The following ARHGEF28 variants were observed in gnomAD, a reference collection of about 807,000 sequenced individuals.
The protein encoded by ARHGEF28 is 190 kDa guanine nucleotide exchange factor.
A neutral mutation model predicts 206.6 loss-of-function variants in ARHGEF28; 152 were observed. The observed-to-expected ratio is 0.74, with a 90% CI of 0.64 to 0.84. The LOEUF (loss-of-function observed/expected upper bound fraction) is 0.84. Ranked by LOEUF, ARHGEF28 falls within the 40% of genes least tolerant of loss-of-function variation. ARHGEF28 has a pLI of 0.00. For missense variants in ARHGEF28, 2,028 were observed against 2,073.2 expected, an observed-to-expected ratio of 0.98 and a Z score of 0.42; for synonymous variants, 763 against 776.4, an observed-to-expected ratio of 0.98 and a Z score of 0.29.
chr5:73,904,033 C>T (rs1048807319), intron 31 of ARHGEF28, 189 bp from the exon 32 acceptor site: 28 of 599,456 alleles, frequency 4.7e-5, no homozygotes, highest in Non-Finnish European at 7.2e-5. Flanking sequence ...GAAGGACGCT[C>T]TTGTTGTCAA....
At position 73,868,328 on chromosome 5, in the gene ARHGEF28, T is replaced by G; in HGVS notation, c.2425+101T>G. On this transcript the variant is annotated intron_variant, in intron 20 of 35. Coordinates refer to ENST00000513042, the MANE Select transcript of ARHGEF28 (RefSeq NM_001177693.2). ...AGATTGAAGCATTTTTTTTTTCTTT[T>G]TCAAAGAAGTCTGTTTCAGGGTGTC... is the stretch of plus-strand genomic sequence containing the variant. 2 of 1,377,140 alleles carry G rather than the reference T, an allele frequency of 1.5e-6. 1 individual carries two copies. The highest frequency in any genetic ancestry group is 2.9e-5 in the African/African-American group (2 of 68,456). 85.3% of individuals were successfully genotyped at this position (1,377,140 alleles called of 1,614,324 possible). A position where few individuals can be genotyped will look rare whatever the true frequency, so the allele number is the denominator to read the frequency against.
chr5:73,888,698 G>A (rs1053144953), intron 26 of ARHGEF28, among the ~76,000 whole-genome samples: 4 of 152,200 alleles, frequency 2.6e-5, no homozygotes, highest in Non-Finnish European at 4.4e-5. Context: ...GGACGAGGTA[G>A]CATATGGATT....
At chr5:73,714,424 G>C (rs939321228) in intron 2 of ARHGEF28, among the ~76,000 whole-genome samples, 1 of 152,170 alleles carries the variant, frequency 6.6e-6, no homozygotes, top group Non-Finnish European at 1.5e-5. Flanking sequence ...TCCCCGGGAG[G>C]CACTAAAGAA....
chr5:73,796,064 C>A (rs928794373), intron 9 of ARHGEF28, among the ~76,000 whole-genome samples: 1 of 152,220 alleles, frequency 6.6e-6, no homozygotes, highest in African/African-American at 2.4e-5. Flanking sequence ...CAGGTACTCT[C>A]TATTTCTTCA....
intron 4 of ARHGEF28, among the ~76,000 whole-genome samples, chr5:73,763,207 C>T (rs532068794): frequency 2.0e-5 from 3 of 152,248 alleles, no homozygotes; most frequent in South Asian, 2.1e-4. Context: ...TACTGATTTC[C>T]GGTTTGGTTT....
At position 73,821,692 on chromosome 5, in the gene ARHGEF28, G is replaced by A. The variant is rs547600844; in HGVS notation, c.1025-10646G>A. Among the ~76,000 whole-genome samples the A allele has an allele frequency of 2.6e-5, 4 of 151,854 alleles. No homozygotes were observed. The East Asian group carries it at 5.8e-4, about 22-fold the overall frequency. ...TTATATATTAGGTTCTTCCCCTCTCGGTTTGCCAATTTTTCCTTGATGTGG... is the reference window on the plus strand; with the variant it reads ...TTATATATTAGGTTCTTCCCCTCTCAGTTTGCCAATTTTTCCTTGATGTGG... On this transcript the variant is annotated intron_variant, in intron 9 of 35. Coordinates refer to ENST00000513042, the MANE Select transcript of ARHGEF28 (RefSeq NM_001177693.2).
chr5:73,779,457 G>A (rs1377851080), intron 6 of ARHGEF28, among the ~76,000 whole-genome samples: 1 of 152,144 alleles, frequency 6.6e-6, no homozygotes, highest in Non-Finnish European at 1.5e-5. Flanking sequence ...AGAAAATAGC[G>A]TTTCCTTATT....
intron 35 of ARHGEF28, among the ~76,000 whole-genome samples, chr5:73,936,245 G>A (rs867561139): frequency 6.6e-6 from 1 of 152,130 alleles, no homozygotes; most frequent in Admixed American, 6.5e-5. Flanking sequence ...GATCAACTGC[G>A]GAGTTTGATT....
chr5:73,878,460 T>G (rs1421397544), intron 22 of ARHGEF28, among the ~76,000 whole-genome samples: 1 of 152,200 alleles, frequency 6.6e-6, no homozygotes, highest in Non-Finnish European at 1.5e-5. Context: ...AATTTGATCC[T>G]GTCATTATGA....
At chr5:73,861,599 T>C (rs925856766) in intron 16 of ARHGEF28, among the ~76,000 whole-genome samples, 8 of 152,218 alleles carry the variant, frequency 5.3e-5, no homozygotes, top group African/African-American at 1.9e-4. Context: ...CACCCAGCTA[T>C]ATGTGAGATT....
intron 7 of ARHGEF28, among the ~76,000 whole-genome samples, chr5:73,787,876 A>G (rs1480488168): frequency 6.6e-6 from 1 of 152,182 alleles, no homozygotes; most frequent in Non-Finnish European, 1.5e-5. Flanking sequence ...TATGATACTC[A>G]TTTTGTATAT....
rs79258174 is a variant in ARHGEF28, at chr5:73,828,805, C to G, written c.1025-3533C>G. Among the ~76,000 whole-genome samples, 1,203 of 151,288 alleles carry G rather than the reference C, an allele frequency of 8.0e-3. 18 individuals are homozygous for G. The highest frequency in any genetic ancestry group is 0.03 in the East Asian group (152 of 5,142). On this transcript the variant is annotated intron_variant, in intron 9 of 35. Coordinates refer to ENST00000513042, the MANE Select transcript of ARHGEF28 (RefSeq NM_001177693.2). ...CTTCCTTTCCTTTCTTCCTTCCTTT[C>G]CTTCTTTTCCTTTTTCCTTTTTCTT...
At position 73,932,800 on chromosome 5, in the gene ARHGEF28, C is replaced by CTTTTT. The variant is rs386404110; in HGVS notation, c.4949-8022_4949-8018dup. Among the ~76,000 whole-genome samples, 26 of 73,422 alleles carry CTTTTT rather than the reference C, an allele frequency of 3.5e-4. 4 individuals are homozygous for CTTTTT. The highest frequency in any genetic ancestry group is 6.7e-4 in the African/African-American group (12 of 17,920). The allele number at this position is 73,422 out of a possible 152,430, so 48.2% of individuals were successfully genotyped here. On this transcript the variant is annotated intron_variant, in intron 35 of 35. Coordinates refer to ENST00000513042, the MANE Select transcript of ARHGEF28 (RefSeq NM_001177693.2). ...GTTATACTACTTTTATTTCCTATTTCTTTTTTTTTTTTTTTTTTTTTTTTT... is the reference window on the plus strand; with the variant it reads ...GTTATACTACTTTTATTTCCTATTTCTTTTTTTTTTTTTTTTTTTTTTTTTTTTTT...
intron 22 of ARHGEF28, among the ~76,000 whole-genome samples, chr5:73,880,749 A>G (rs1274741274): frequency 6.6e-6 from 1 of 152,182 alleles, no homozygotes; most frequent in Admixed American, 6.5e-5. Context: ...CCTGAGCATC[A>G]TGATGAATCC....
chr5:73,886,508 A>G (rs1761308142), intron 25 of ARHGEF28, among the ~76,000 whole-genome samples: 1 of 152,044 alleles, frequency 6.6e-6, no homozygotes, highest in Non-Finnish European at 1.5e-5. Context: ...GAGAAATAAA[A>G]AGAACTCTGA....
intron 9 of ARHGEF28, among the ~76,000 whole-genome samples, chr5:73,799,405 T>C (rs918205829): frequency 6.6e-6 from 1 of 152,202 alleles, no homozygotes; most frequent in Non-Finnish European, 1.5e-5. Context: ...AATAAAGCTA[T>C]GTGGCTTTGG....
intron 1 of ARHGEF28, among the ~76,000 whole-genome samples, chr5:73,673,242 C>T (rs1746458098): frequency 1.3e-5 from 2 of 152,150 alleles, no homozygotes; most frequent in South Asian, 2.1e-4. Context: ...TGTTCTTTTC[C>T]AGTTAGTATA....
chr5:73,786,126 C>T (rs1262359534), intron 7 of ARHGEF28, among the ~76,000 whole-genome samples: 1 of 150,474 alleles, frequency 6.6e-6, no homozygotes, highest in African/African-American at 2.4e-5. Flanking sequence ...CATTTAATTT[C>T]ACTCAAGCAT....
chr5:73,758,090 C>A (rs1021071914), intron 4 of ARHGEF28, among the ~76,000 whole-genome samples: 3 of 152,116 alleles, frequency 2.0e-5, no homozygotes, highest in African/African-American at 7.2e-5. Flanking sequence ...ATATGGCTGG[C>A]AAGCACCAAG....
Sources: allele counts gnomAD v4.1 joint callset (sites outside exome capture counted in the v4.1 genomes callset), GRCh38; gene constraint gnomAD v4.1.1; transcripts MANE v1.5; gene names NCBI Gene and HGNC (gene_info 2026-07-23, HGNC 2026-07-21).